HHAT: variants seen among roughly 807,000 people sequenced by gnomAD.
HHAT encodes protein-cysteine N-palmitoyltransferase HHAT.
In HHAT, 47 loss-of-function variants were observed where a neutral mutation model predicts 70.8. The observed-to-expected ratio is 0.66, with a 90% confidence interval of 0.53 to 0.85. The LOEUF (loss-of-function observed/expected upper bound fraction) is 0.85. Ranked by LOEUF, HHAT falls within the 40% of genes least tolerant of loss-of-function variation. HHAT has a pLI of 0.00. For synonymous variants in HHAT, 228 were observed against 247.6 expected (o/e 0.92, Z 0.74); for missense variants, 609 against 604.8 (o/e 1.01, Z -0.07).
At chr1:210,614,011 C>A (rs1283751658) in intron 10 of HHAT, among the ~76,000 whole-genome samples, 1 of 112,248 alleles carries the variant, frequency 8.9e-6, no homozygotes, top group Non-Finnish European at 1.9e-5. Flanking sequence ...AGAGTGAGAC[C>A]CTGCCTCAAA....
chr1:210,383,540 A>C lies in HHAT; in HGVS notation c.160-3928A>C, dbSNP rs1241564634. On this transcript the variant is annotated intron_variant, in intron 3 of 11. Transcript: ENST00000261458. ...ATTTTTAGGGCAGTGAAACTATTTC[A>C]TATGATATGATAATGGTGGATATGT... Among the ~76,000 whole-genome samples, 3 of 152,186 alleles carry C rather than the reference A, an allele frequency of 2.0e-5. No individual in the cohort carries two copies. In the East Asian group the frequency reaches 5.8e-4, roughly 29 times the overall value.
intron 11 of HHAT, among the ~76,000 whole-genome samples, chr1:210,636,650 G>T (rs1671918977): frequency 6.6e-6 from 1 of 152,150 alleles, no homozygotes; most frequent in East Asian, 1.9e-4. Context: ...GACAATTTTA[G>T]AATTCTATTT....
chr1:210,426,929 G>A (rs899239481), intron 7 of HHAT, among the ~76,000 whole-genome samples: 2 of 152,044 alleles, frequency 1.3e-5, no homozygotes, highest in African/African-American at 4.8e-5. Context: ...GCTCTTTTTT[G>A]TACATCTGGT....
intron 9 of HHAT, among the ~76,000 whole-genome samples, chr1:210,565,515 G>A (rs754801002): frequency 1.3e-5 from 2 of 152,218 alleles, no homozygotes; most frequent in Admixed American, 6.5e-5. Context: ...TATTCCTGTC[G>A]TTCCATGAAT....
intron 11 of HHAT, among the ~76,000 whole-genome samples, chr1:210,673,318 G>T (rs1680466196): frequency 2.6e-5 from 4 of 151,760 alleles, no homozygotes. Context: ...AGGGCTCAGA[G>T]CTCCTATTAG....
chr1:210,432,117 G>T (rs1183766477), intron 7 of HHAT, among the ~76,000 whole-genome samples: 1 of 151,752 alleles, frequency 6.6e-6, no homozygotes, highest in Non-Finnish European at 1.5e-5. Context: ...TAGGGGTTCT[G>T]GGAACCAATT....
intron 6 of HHAT, among the ~76,000 whole-genome samples, chr1:210,413,744 C>T (rs966322740): frequency 1.3e-5 from 2 of 152,200 alleles, no homozygotes; most frequent in Non-Finnish European, 2.9e-5. Flanking sequence ...TTGGCCTTTA[C>T]CATGCACATT....
At chr1:210,601,269 A>G (rs750934844) in intron 10 of HHAT, among the ~76,000 whole-genome samples, 2 of 152,190 alleles carry the variant, frequency 1.3e-5, no homozygotes, top group East Asian at 1.9e-4. Flanking sequence ...ATTTGATTCT[A>G]TGGAATCCTA....
rs1033109518 is a variant in HHAT at position 210,329,016 on chromosome 1, G to A, written c.-132G>A. 2 of 1,397,160 alleles carry A rather than the reference G, an allele frequency of 1.4e-6. No homozygotes were observed. Among genetic ancestry groups the A allele is most frequent in the Non-Finnish European group, 1.9e-6 (2 of 1,075,670 alleles). The allele number at this position is 1,397,160 out of a possible 1,614,324, so 86.5% of individuals were successfully genotyped here. On this transcript the variant is annotated 5_prime_UTR_variant, in exon 1 of 12. Coordinates refer to ENST00000261458, the MANE Select transcript of HHAT (RefSeq NM_018194.6). ...GAAGCCCGCAGCCGCCGCCGATGTC[G>A]CTGGGACTCGGAAGTGCCGAAAGAG... is the stretch of plus-strand genomic sequence containing the variant.
intron 10 of HHAT, among the ~76,000 whole-genome samples, chr1:210,599,665 A>G (rs1663802352): frequency 1.3e-5 from 2 of 152,088 alleles, no homozygotes; most frequent in Non-Finnish European, 2.9e-5. Flanking sequence ...TCCTAATCCA[A>G]GCTGCTCTCA....
At chr1:210,550,862 T>C (rs2095521696) in intron 9 of HHAT, among the ~76,000 whole-genome samples, 1 of 148,404 alleles carries the variant, frequency 6.7e-6, no homozygotes. Flanking sequence ...GAGACAGGGT[T>C]TCACCATGTT....
At chr1:210,605,417 A>G (rs1665191035) in intron 10 of HHAT, among the ~76,000 whole-genome samples, 1 of 152,192 alleles carries the variant, frequency 6.6e-6, no homozygotes, top group Non-Finnish European at 1.5e-5. Flanking sequence ...TTTGCTGCTT[A>G]TGCATACTGG....
chr1:210,403,464 G>C lies in HHAT; in HGVS notation c.469-1000G>C, dbSNP rs1188080226. 3.9e-5 allele frequency among the ~76,000 whole-genome samples: 6 copies of C among 152,192 alleles called. No homozygotes were observed. The East Asian group carries it at 1.2e-3, about 29-fold the overall frequency. The stretch of plus-strand genomic sequence containing the variant: ...ATTTTACAGTGATTTGAAAAACACT[G>C]AGGAAGGAGATCATGTGATTAGAAA... On this transcript the variant is annotated intron_variant, in intron 5 of 11. Transcript: ENST00000261458.
intron 9 of HHAT, among the ~76,000 whole-genome samples, chr1:210,569,268 G>C (rs1285858364): frequency 6.6e-6 from 1 of 150,664 alleles, no homozygotes; most frequent in African/African-American, 2.4e-5. Context: ...CAGCGACTCG[G>C]GAGGCTGAGG....
intron 3 of HHAT, among the ~76,000 whole-genome samples, chr1:210,369,976 G>A (rs1182350315): frequency 1.3e-5 from 2 of 151,880 alleles, no homozygotes; most frequent in Non-Finnish European, 2.9e-5. Flanking sequence ...AGGGTTTCAG[G>A]TGCCATTTGT....
chr1:210,570,579 C>T (rs1325176987), intron 9 of HHAT, among the ~76,000 whole-genome samples: 1 of 152,292 alleles, frequency 6.6e-6, no homozygotes, highest in East Asian at 1.9e-4. Context: ...ACAGACCCAC[C>T]ACCCAGGAGT....
At chr1:210,404,083 T>C (rs1219191321) in intron 5 of HHAT, among the ~76,000 whole-genome samples, 1 of 152,304 alleles carries the variant, frequency 6.6e-6, no homozygotes, top group East Asian at 1.9e-4. Context: ...CTCTTTGTTA[T>C]CTGAATTGTT....
At chr1:210,468,271 C>T (rs549505635) in intron 8 of HHAT, among the ~76,000 whole-genome samples, 5 of 152,224 alleles carry the variant, frequency 3.3e-5, no homozygotes, top group African/African-American at 2.4e-5. Flanking sequence ...TTAAAGATGA[C>T]GTTGTATGTC....
chr1:210,664,515 G>A lies in HHAT; in HGVS notation c.1391-9773G>A, dbSNP rs1202345985. On this transcript the variant is annotated intron_variant, in intron 11 of 11. Coordinates refer to ENST00000261458, the MANE Select transcript of HHAT (RefSeq NM_018194.6). ...GCAGGGCCAGTGTGTTTCCAGATCC[G>A]GTGTCAGCACCCTAGGTCTAGGGTC... 3.3e-5 allele frequency among the ~76,000 whole-genome samples: 5 copies of A among 152,196 alleles called. 1 individual carries two copies. The highest frequency in any genetic ancestry group is 5.9e-5 in the Non-Finnish European group (4 of 68,036).
Sources: gnomAD v4.1 joint callset for allele counts (sites outside exome capture counted in the v4.1 genomes callset) on GRCh38, gnomAD v4.1.1 for gene constraint, MANE v1.5 for transcripts, NCBI Gene and HGNC (gene_info 2026-07-23, HGNC 2026-07-21) for gene names.